The following R3HDM2 variants were observed in gnomAD, a reference collection of about 807,000 sequenced individuals.
R3HDM2 encodes R3H domain-containing protein 2.
R3HDM2 carries 38 observed loss-of-function variants against 124.5 expected under a neutral mutation model. The observed-to-expected ratio is 0.31, with a 90% CI of 0.24 to 0.40. The LOEUF is 0.40. Among genes scored for constraint, R3HDM2 ranks in the 10% least tolerant of loss-of-function variants. The pLI, the probability that R3HDM2 is intolerant of heterozygous loss-of-function variation, is 1.00. For missense variants in R3HDM2, 869 were observed against 1,236.9 expected, an observed-to-expected ratio of 0.70 and a Z score of 4.46; for synonymous variants, 391 against 448.0, an observed-to-expected ratio of 0.87 and a Z score of 1.61.
At position 57,387,267 on chromosome 12, in the gene R3HDM2, A is replaced by T. The variant is rs142172517; in HGVS notation, c.-36+8482T>A. ...TTGCTGCTGCTCACTCTTTGGGTCC[A>T]CACTGCCTTTATGAGCTGTAACACT... On this transcript the variant is annotated intron_variant, in intron 2 of 23. Transcript: ENST00000402412. 2.1e-3 allele frequency among the ~76,000 whole-genome samples: 325 copies of T among 152,234 alleles called. 9 individuals carry two copies. In the East Asian group the frequency reaches 0.05, roughly 24 times the overall value.
intron 2 of R3HDM2, among the ~76,000 whole-genome samples, chr12:57,364,441 C>T (rs773307191): frequency 5.3e-5 from 8 of 152,030 alleles, no homozygotes; most frequent in Admixed American, 2.6e-4. Context: ...TGAGCCACCA[C>T]GCCTAGCCTA....
chr12:57,396,238 A>G (rs533214247), intron 1 of R3HDM2, among the ~76,000 whole-genome samples: 110 of 151,434 alleles, frequency 7.3e-4, no homozygotes, highest in African/African-American at 2.6e-3. Context: ...TCAGGAGTTC[A>G]AGACCAGTCT....
At chr12:57,330,116 A>C (rs945104324) in intron 2 of R3HDM2, among the ~76,000 whole-genome samples, 1 of 151,758 alleles carries the variant, frequency 6.6e-6, no homozygotes, top group Non-Finnish European at 1.5e-5. Flanking sequence ...ACAGGCATGC[A>C]CTGACATGCC....
intron 2 of R3HDM2, among the ~76,000 whole-genome samples, chr12:57,356,298 T>G (rs1324508772): frequency 6.6e-6 from 1 of 152,158 alleles, no homozygotes; most frequent in East Asian, 1.9e-4. Flanking sequence ...TTAAACCCAG[T>G]GGTTCTTAAG....
At chr12:57,261,458 C>T (rs1024334924) in intron 19 of R3HDM2, among the ~76,000 whole-genome samples, 1 of 152,020 alleles carries the variant, frequency 6.6e-6, no homozygotes, top group African/African-American at 2.4e-5. Context: ...CTAATACCAG[C>T]AGGTAGTCAT....
At position 57,259,008 on chromosome 12, in the gene R3HDM2, T is replaced by C; in HGVS notation, c.2183A>G (p.Asn728Ser). The C allele has an allele frequency of 6.2e-7, 1 of 1,613,380 alleles. No homozygotes were observed. The highest frequency in any genetic ancestry group is 8.5e-7 in the Non-Finnish European group (1 of 1,179,912). ...TGGGTTCTGAGGGGGCTGGGGTCCA[T>C]TAGGGACATTCAGCTGCATGACCAC... ...GVVVMQLNVP[N>S]GPQPPQNPSM... The change falls in exon 20 of 24, where the codon AAT becomes AGT. Residue 728 changes from asparagine (N) to serine (S), a missense_variant. Coordinates refer to ENST00000402412, the MANE Select transcript of R3HDM2 (RefSeq NM_001394031.1).
At chr12:57,422,591 C>G (rs926312523) in intron 1 of R3HDM2, among the ~76,000 whole-genome samples, 1 of 152,194 alleles carries the variant, frequency 6.6e-6, no homozygotes, top group Non-Finnish European at 1.5e-5. Flanking sequence ...AGGCCATAAT[C>G]TTAATAAGTC....
intron 1 of R3HDM2, among the ~76,000 whole-genome samples, chr12:57,408,504 G>A (rs2068727128): frequency 6.6e-6 from 1 of 152,116 alleles, no homozygotes; most frequent in Non-Finnish European, 1.5e-5. Context: ...GCCAAGACAG[G>A]CGGATTGCTT....
intron 1 of R3HDM2, among the ~76,000 whole-genome samples, chr12:57,407,620 T>C (rs2068645857): frequency 6.6e-6 from 1 of 152,048 alleles, no homozygotes; most frequent in African/African-American, 2.4e-5. Flanking sequence ...TTGGCCAGGC[T>C]GGTCTTGAAC....
chr12:57,290,741 T>A (rs1436221551), intron 11 of R3HDM2, among the ~76,000 whole-genome samples: 2 of 152,098 alleles, frequency 1.3e-5, no homozygotes, highest in African/African-American at 4.8e-5. Context: ...GCCCCCTGAG[T>A]AGCTGGGATT....
At chr12:57,308,693 T>TA (rs1358286022) in intron 3 of R3HDM2, among the ~76,000 whole-genome samples, 8 of 150,578 alleles carry the variant, frequency 5.3e-5, no homozygotes, top group African/African-American at 2.0e-4. Context: ...CCTCAAAAAA[T>TA]AAAAAAAAAC....
At chr12:57,260,282 A>AAAAAAAAAAAAAAAAAG (rs2040416180) in intron 19 of R3HDM2, among the ~76,000 whole-genome samples, 1 of 147,700 alleles carries the variant, frequency 6.8e-6, no homozygotes, top group Non-Finnish European at 1.5e-5. Flanking sequence ...AAAAAAAAAA[A>AAAAAAAAAAAAAAAAAG]AAAGCCTGCT....
chr12:57,382,025 T>C (rs931883435), intron 2 of R3HDM2, among the ~76,000 whole-genome samples: 2 of 151,900 alleles, frequency 1.3e-5, no homozygotes, highest in Non-Finnish European at 2.9e-5. Flanking sequence ...CTCCCTATGT[T>C]GCCCAGGCTG....
intron 1 of R3HDM2, among the ~76,000 whole-genome samples, chr12:57,413,846 CCTT>C (rs1446806431): frequency 9.7e-5 from 10 of 103,156 alleles, no homozygotes; most frequent in Admixed American, 6.2e-4. Context: ...TAATCCCCCC[CCTT>C]TTTTTTTTTT....
intron 2 of R3HDM2, among the ~76,000 whole-genome samples, chr12:57,367,485 C>T (rs1239674021): frequency 6.6e-6 from 1 of 152,212 alleles, no homozygotes; most frequent in Non-Finnish European, 1.5e-5. Flanking sequence ...GCTCTCTCCT[C>T]TTAAATATTC....
Position 57,348,711 on chromosome 12 carries a change from AAAAAAAAAAAGAG to A in R3HDM2, c.-35-38261_-35-38249del, listed in dbSNP as rs1309145494. 1.5e-3 allele frequency among the ~76,000 whole-genome samples: 67 copies of A among 44,088 alleles called. 7 individuals are homozygous for A. The highest frequency in any genetic ancestry group is 0.05 in the Middle Eastern group (2 of 40). The allele number at this position is 44,088 out of a possible 152,430, so 28.9% of individuals were successfully genotyped here. A position where few individuals can be genotyped will look rare whatever the true frequency, so the allele number is the denominator to read the frequency against. Reference sequence around the variant, plus strand: ...TCCGTCTCAAAAAAAAAAAAAAAAAAAAAAAAAAAAGAGAGAGAAAAATTAGCCAGGCATGGTG... The same window carrying A: ...TCCGTCTCAAAAAAAAAAAAAAAAAAAGAGAAAAATTAGCCAGGCATGGTG... On this transcript the variant is annotated intron_variant, in intron 2 of 23. Transcript: ENST00000402412.
intron 3 of R3HDM2, among the ~76,000 whole-genome samples, chr12:57,307,538 C>G (rs577761776): frequency 6.6e-6 from 1 of 151,858 alleles, no homozygotes; most frequent in African/African-American, 2.4e-5. Flanking sequence ...CCAGGCTGGT[C>G]TCGAACTCCT....
intron 1 of R3HDM2, chr12:57,418,379 C>T (rs1426892904): frequency 4.2e-5 from 41 of 979,728 alleles, no homozygotes; most frequent in Non-Finnish European, 5.0e-5. Context: ...GAGCAACTGG[C>T]AATATTCCCA....
At chr12:57,354,198 T>C (rs929785541) in intron 2 of R3HDM2, among the ~76,000 whole-genome samples, 1 of 151,820 alleles carries the variant, frequency 6.6e-6, no homozygotes, top group Non-Finnish European at 1.5e-5. Context: ...TGTTTCAAAG[T>C]GGTTGTACCA....
Sources: allele counts gnomAD v4.1 joint callset (sites outside exome capture counted in the v4.1 genomes callset), GRCh38; gene constraint gnomAD v4.1.1; transcripts MANE v1.5; gene names NCBI Gene and HGNC (gene_info 2026-07-23, HGNC 2026-07-21).